Variants in PLCB1 observed in about 807,000 individuals in gnomAD.
The protein encoded by PLCB1 is phospholipase C beta 1.
A neutral mutation model predicts 161.8 loss-of-function variants in PLCB1; 46 were observed. That is an observed-to-expected ratio of 0.28 (90% CI 0.22 to 0.36). The LOEUF is 0.36. Ranked by LOEUF, PLCB1 falls within the 10% of genes least tolerant of loss-of-function variation. PLCB1 has a pLI of 1.00. For missense variants in PLCB1, 1,016 were observed against 1,472.5 expected, an observed-to-expected ratio of 0.69 and a Z score of 5.07; for synonymous variants, 517 against 503.7, an observed-to-expected ratio of 1.03 and a Z score of -0.35.
At chr20:8,693,669 G>A (rs1179055292) in intron 10 of PLCB1, among the ~76,000 whole-genome samples, 1 of 152,150 alleles carries the variant, frequency 6.6e-6, no homozygotes, top group African/African-American at 2.4e-5. Flanking sequence ...TGATAAATAT[G>A]AAAACAGGCA....
At chr20:8,286,457 A>C (rs1983128402) in intron 2 of PLCB1, among the ~76,000 whole-genome samples, 1 of 152,210 alleles carries the variant, frequency 6.6e-6, no homozygotes, top group Admixed American at 6.5e-5. Flanking sequence ...TATACTGACA[A>C]AAATTATTTT....
intron 24 of PLCB1, among the ~76,000 whole-genome samples, chr20:8,758,230 TAAA>T (rs11481234): frequency 3.5e-5 from 5 of 141,738 alleles, no homozygotes; most frequent in African/African-American, 1.3e-4. Flanking sequence ...GAAAGAGAAT[TAAA>T]AAAAAAAAAA....
chr20:8,462,804 C>A lies in PLCB1; in HGVS notation c.246+91354C>A, dbSNP rs75856791. ...ATGCCTTGCCCCTTGCTTTCCTCCA[C>A]AATAAGGCTTAGACGCAAAACACTT... On this transcript the variant is annotated intron_variant, in intron 3 of 31. Coordinates refer to ENST00000338037, the MANE Select transcript of PLCB1 (RefSeq NM_015192.4). Among the ~76,000 whole-genome samples, 994 of 129,686 alleles carry A rather than the reference C, an allele frequency of 7.7e-3. 10 individuals carry two copies. The highest frequency in any genetic ancestry group is 0.025 in the African/African-American group (903 of 35,760). 85.1% of individuals were successfully genotyped at this position (129,686 alleles called of 152,430 possible). A position where few individuals can be genotyped will look rare whatever the true frequency, so the allele number is the denominator to read the frequency against.
intron 4 of PLCB1, among the ~76,000 whole-genome samples, chr20:8,629,173 C>G (rs1206473585): frequency 6.6e-6 from 1 of 151,896 alleles, no homozygotes; most frequent in African/African-American, 2.4e-5. Flanking sequence ...CCACCATAAT[C>G]CATGTAGTAG....
At chr20:8,669,133 T>A (rs1329679418) in intron 9 of PLCB1, among the ~76,000 whole-genome samples, 84 of 152,354 alleles carry the variant, frequency 5.5e-4, no homozygotes, top group Non-Finnish European at 7.3e-5. Context: ...ATAATGTGAT[T>A]CACTTCCATT....
chr20:8,447,107 T>C (rs2122634658), intron 3 of PLCB1, among the ~76,000 whole-genome samples: 1 of 152,302 alleles, frequency 6.6e-6, no homozygotes, highest in East Asian at 1.9e-4. Flanking sequence ...GAAATATTAA[T>C]GATATTTGAA....
intron 2 of PLCB1, among the ~76,000 whole-genome samples, chr20:8,206,601 A>T (rs929808251): frequency 1.4e-4 from 21 of 152,286 alleles, no homozygotes; most frequent in African/African-American, 4.8e-4. Flanking sequence ...TGTGAAATAT[A>T]AAATAAATAC....
chr20:8,168,968 G>A (rs1285760912), intron 2 of PLCB1, among the ~76,000 whole-genome samples: 2 of 152,092 alleles, frequency 1.3e-5, no homozygotes, highest in Non-Finnish European at 2.9e-5. Flanking sequence ...AAACACATGA[G>A]TTTGACCAAG....
intron 3 of PLCB1, among the ~76,000 whole-genome samples, chr20:8,414,749 CT>C (rs142937672): frequency 0.018 from 2,718 of 152,074 alleles, 95 homozygotes; most frequent in African/African-American, 0.063. Flanking sequence ...GGAAATGTGA[CT>C]TTTGTAACTG....
chr20:8,788,486 A>C lies in PLCB1; in HGVS notation c.3149A>C (p.Gln1050Pro). 1 of 1,613,810 alleles carries C rather than the reference A, an allele frequency of 6.2e-7. No individual in the cohort carries two copies. Among genetic ancestry groups the C allele is most frequent in the Non-Finnish European group, 8.5e-7 (1 of 1,179,906 alleles). ...QKLTDVAEEC[Q>P]NNQLKKLKEI... ...TTGACGGATGTCGCAGAAGAGTGTC[A>C]GAACAATCAGTTAAAGAAGCTCAAA... Residue 1050 changes from glutamine to proline, a missense_variant, in exon 28 of 32, where the codon CAG becomes CCG. This residue lies in a region of PLCB1 where 398 missense variants were observed against 445.4 expected (regional missense o/e 0.89). Transcript: ENST00000338037.
chr20:8,338,706 C>T (rs565143696), intron 2 of PLCB1, among the ~76,000 whole-genome samples: 1 of 152,260 alleles, frequency 6.6e-6, no homozygotes, highest in Non-Finnish European at 1.5e-5. Context: ...TGAATTTTGA[C>T]AAATGTATAC....
At chr20:8,398,953 T>C (rs757933977) in intron 3 of PLCB1, among the ~76,000 whole-genome samples, 1 of 152,048 alleles carries the variant, frequency 6.6e-6, no homozygotes, top group South Asian at 2.1e-4. Flanking sequence ...TGTTTCTGCC[T>C]TGTAAGTTTT....
intron 2 of PLCB1, among the ~76,000 whole-genome samples, chr20:8,163,605 A>G (rs897051963): frequency 1.7e-4 from 26 of 152,300 alleles, no homozygotes; most frequent in South Asian, 1.0e-3. Flanking sequence ...ATACATAAAC[A>G]TGAGTTGCCA....
At chr20:8,496,765 T>A (rs1334579617) in intron 3 of PLCB1, among the ~76,000 whole-genome samples, 1 of 152,188 alleles carries the variant, frequency 6.6e-6, no homozygotes. Context: ...AATACATGAA[T>A]CAAGTTGGCC....
At chr20:8,583,184 C>T (rs1351908220) in intron 3 of PLCB1, among the ~76,000 whole-genome samples, 3 of 151,972 alleles carry the variant, frequency 2.0e-5, no homozygotes, top group Admixed American at 2.0e-4. Context: ...ATGGTGGTTG[C>T]CAGGGGCTAG....
Position 8,438,381 on chromosome 20 carries a change from C to T in PLCB1, c.246+66931C>T, listed in dbSNP as rs77096730. ...TGGGAGAAAACATTTTTAGACATAG[C>T]GCAAAACCCAGAAGCAAAGTAAAAC... On this transcript the variant is annotated intron_variant, in intron 3 of 31. Coordinates refer to ENST00000338037, the MANE Select transcript of PLCB1 (RefSeq NM_015192.4). Among the ~76,000 whole-genome samples, 1,144 of 152,154 alleles carry T rather than the reference C, an allele frequency of 7.5e-3. 9 individuals carry two copies. Among genetic ancestry groups the T allele is most frequent in the Middle Eastern group, 0.027 (8 of 294 alleles).
intron 3 of PLCB1, among the ~76,000 whole-genome samples, chr20:8,432,864 T>C (rs909973484): frequency 6.6e-6 from 1 of 152,176 alleles, no homozygotes; most frequent in Non-Finnish European, 1.5e-5. Flanking sequence ...AAACATTTCC[T>C]GTACTGAGTT....
chr20:8,657,222 G>T lies in PLCB1; in HGVS notation c.633G>T (p.Val211=). The T allele has an allele frequency of 1.9e-6, 3 of 1,610,366 alleles. No homozygotes were observed. Among genetic ancestry groups the T allele is most frequent in the Non-Finnish European group, 1.7e-6 (2 of 1,176,844 alleles). ...CTCAAGAAGATTTCACTCCAGAAGT[G>T]TACAGAGTTTTCCTCAACAACCTTT... The part of the protein sequence containing the change: ...SIPQEDFTPE[V]YRVFLNNLCP... Residue 211 remains valine (V), a synonymous_variant, in exon 8 of 32, where the codon GTG becomes GTT. Transcript: ENST00000338037.
intron 31 of PLCB1, chr20:8,792,093 C>G (rs1006110126): frequency 7.2e-5 from 11 of 153,012 alleles, no homozygotes; most frequent in African/African-American, 2.7e-4. Flanking sequence ...AGATCCAGAC[C>G]GTGAACTCAG....
Sources: gnomAD v4.1 joint callset for allele counts (sites outside exome capture counted in the v4.1 genomes callset) on GRCh38, gnomAD v4.1.1 for gene constraint, gnomAD v4.1.1 regional missense constraint, MANE v1.5 for transcripts, NCBI Gene and HGNC (gene_info 2026-07-23, HGNC 2026-07-21) for gene names.